The following OSMR variants were observed in gnomAD, a reference collection of about 807,000 sequenced individuals.
OSMR encodes the protein oncostatin M receptor.
Under a neutral mutation model 99.9 loss-of-function variants are expected in OSMR, and 81 were observed. That is an observed-to-expected ratio of 0.81 (90% CI 0.68 to 0.97). The LOEUF is 0.97. Among genes scored for constraint, OSMR ranks in the 50% least tolerant of loss-of-function variants. The pLI, the probability that OSMR is intolerant of heterozygous loss-of-function variation, is 0.00. For synonymous variants in OSMR, 406 were observed against 410.4 expected, an observed-to-expected ratio of 0.99 and a Z score of 0.13; for missense variants, 1,099 against 1,153.4, an observed-to-expected ratio of 0.95 and a Z score of 0.68.
intron 1 of OSMR, among the ~76,000 whole-genome samples, chr5:38,855,635 C>T (rs867212563): frequency 6.6e-5 from 10 of 152,238 alleles, no homozygotes; most frequent in Non-Finnish European, 1.0e-4. Context: ...ACTGCTTCCA[C>T]GGCTGTCACC....
intron 1 of OSMR, chr5:38,940,936 C>T (rs2112764802): frequency 4.3e-6 from 1 of 232,438 alleles, no homozygotes; most frequent in South Asian, 1.8e-4. Context: ...ATGTTATACA[C>T]AAATGAATTA....
In OSMR at chr5:38,933,760, C is replaced by G. The variant is rs548372381; in HGVS notation, c.*316C>G. On this transcript the variant is annotated 3_prime_UTR_variant, in exon 18 of 18. Coordinates refer to ENST00000274276, the MANE Select transcript of OSMR (RefSeq NM_003999.3). The stretch of plus-strand genomic sequence containing the variant: ...GCATTAACCACTCTACAGACTCCCA[C>G]TCAGTACTGTACAGGGTGGCTGTGG... 143 of 394,336 alleles carry G rather than the reference C, an allele frequency of 3.6e-4. 4 individuals carry two copies. The South Asian group carries it at 3.7e-3, about 10-fold the overall frequency. The allele number at this position is 394,336 out of a possible 1,614,324, so 24.4% of individuals were successfully genotyped here. A position where few individuals can be genotyped will look rare whatever the true frequency, so the allele number is the denominator to read the frequency against.
intron 1 of OSMR, among the ~76,000 whole-genome samples, chr5:38,863,074 G>C (rs1420651360): frequency 6.6e-6 from 1 of 151,716 alleles, no homozygotes; most frequent in African/African-American, 2.4e-5. Flanking sequence ...TGAGGCAGGA[G>C]AATCAGGCAG....
At chr5:38,882,637 C>T (rs1055466482) in intron 4 of OSMR, among the ~76,000 whole-genome samples, 2 of 148,878 alleles carry the variant, frequency 1.3e-5, no homozygotes, top group African/African-American at 5.0e-5. Flanking sequence ...CGAATCTAGA[C>T]GGCGGGGTGG....
At chr5:38,911,537 G>A (rs1196567010) in intron 9 of OSMR, among the ~76,000 whole-genome samples, 1 of 152,060 alleles carries the variant, frequency 6.6e-6, no homozygotes, top group African/African-American at 2.4e-5. Context: ...AACTGAGTTG[G>A]GGGACTCCTC....
chr5:38,849,063 C>G (rs1319531132), intron 1 of OSMR, among the ~76,000 whole-genome samples: 2 of 152,156 alleles, frequency 1.3e-5, no homozygotes. Flanking sequence ...CAGGCGTGAG[C>G]CACTGCGCCC....
At chr5:38,862,057 C>T (rs1368492508) in intron 1 of OSMR, among the ~76,000 whole-genome samples, 2 of 109,768 alleles carry the variant, frequency 1.8e-5, no homozygotes, top group South Asian at 3.5e-4. Context: ...CGGGCAGAGG[C>T]GCCCCTCACC....
chr5:38,930,920 TTGTGTGTGTGTGTGTGTGTGTGTGTGTG>T (rs55964556), intron 15 of OSMR, among the ~76,000 whole-genome samples: 1 of 141,890 alleles, frequency 7.0e-6, no homozygotes, highest in Non-Finnish European at 1.5e-5. Flanking sequence ...CAGAAGCATT[TTGTGTGTGTGTGTGTGTGTGTGTGTGTG>T]TGTGTGTGTG....
At chr5:38,942,416 A>G (rs766283555) in intron 1 of OSMR, 1 of 1,238,084 alleles carries the variant, frequency 8.1e-7, no homozygotes. Flanking sequence ...TACTTTTATA[A>G]AAACAGATGA....
intron 11 of OSMR, chr5:38,919,354 A>T (rs899841286): frequency 7.3e-7 from 1 of 1,366,466 alleles, no homozygotes; most frequent in African/African-American, 1.4e-5. Context: ...ACCCTAACAA[A>T]CAGTCACCAC....
intron 9 of OSMR, among the ~76,000 whole-genome samples, chr5:38,911,956 A>C (rs914609927): frequency 1.3e-5 from 2 of 152,208 alleles, no homozygotes; most frequent in Admixed American, 1.3e-4. Context: ...AGCCAACATC[A>C]TACTAAATGG....
chr5:38,918,784 T>C, intron 10 of OSMR, 56 bp from the exon 11 acceptor site: 1 of 1,599,742 alleles, frequency 6.3e-7, no homozygotes, highest in Admixed American at 1.7e-5. Context: ...AAAGGAGTTG[T>C]ACAAATTCCT....
chr5:38,884,247 G>T, intron 5 of OSMR, 136 bp downstream of exon 5: 1 of 797,142 alleles, frequency 1.3e-6, no homozygotes, highest in South Asian at 1.4e-5. Context: ...TCTAGGAGAG[G>T]CTCTGAAGTC....
At chr5:38,859,889 T>G (rs1741141098) in intron 1 of OSMR, among the ~76,000 whole-genome samples, 1 of 152,180 alleles carries the variant, frequency 6.6e-6, no homozygotes, top group African/African-American at 2.4e-5. Flanking sequence ...CAGTTTGTTC[T>G]TAGTGTATAG....
Position 38,857,666 on chromosome 5 carries a change from T to C in OSMR, c.-14+11279T>C, listed in dbSNP as rs576568818. On this transcript the variant is annotated intron_variant, in intron 1 of 17. Transcript: ENST00000274276. Reference sequence around the variant, plus strand: ...TAAAACTCTCTCTTCTAGCTATCTTTTTATTTTTATTTTTTTCTTGAGATG... The same window carrying C: ...TAAAACTCTCTCTTCTAGCTATCTTCTTATTTTTATTTTTTTCTTGAGATG... Among the ~76,000 whole-genome samples the C allele has an allele frequency of 8.6e-5, 13 of 151,958 alleles. No homozygotes were observed. In the South Asian group the frequency reaches 2.7e-3, roughly 32 times the overall value.
At chr5:38,857,304 C>T (rs1014052506) in intron 1 of OSMR, among the ~76,000 whole-genome samples, 3 of 152,120 alleles carry the variant, frequency 2.0e-5, no homozygotes, top group African/African-American at 7.2e-5. Flanking sequence ...CCTTGCATTC[C>T]TCAAATGATA....
rs1053316466 is a variant in OSMR, at chr5:38,941,636, T to C, written c.75-2565T>C. On this transcript the variant is annotated intron_variant and NMD_transcript_variant, in intron 1 of 2. Coordinates refer to the OSMR transcript ENST00000508882. The stretch of plus-strand genomic sequence containing the variant: ...GGTTCATATATCCTGTAATAACACA[T>C]TGCAACAAAATGAAGAGTTGGAAAA... The C allele has an allele frequency of 3.9e-5, 9 of 232,292 alleles. No individual in the cohort carries two copies. Among genetic ancestry groups the C allele is most frequent in the Middle Eastern group, 2.6e-3 (2 of 776 alleles). 14.4% of individuals were successfully genotyped at this position (232,292 alleles called of 1,614,324 possible). A position where few individuals can be genotyped will look rare whatever the true frequency, so the allele number is the denominator to read the frequency against.
chr5:38,861,900 G>T (rs573866234), intron 1 of OSMR, among the ~76,000 whole-genome samples: 1 of 135,558 alleles, frequency 7.4e-6, no homozygotes. Context: ...CCTCCCGGAC[G>T]GGGCGGCTGG....
intron 9 of OSMR, among the ~76,000 whole-genome samples, chr5:38,906,978 A>G (rs1404655865): frequency 3.9e-5 from 6 of 152,224 alleles, no homozygotes; most frequent in Non-Finnish European, 8.8e-5. Context: ...CACACTTAGC[A>G]GCCAAAATTT....
Sources: allele counts gnomAD v4.1 joint callset (sites outside exome capture counted in the v4.1 genomes callset), GRCh38; gene constraint gnomAD v4.1.1; transcripts MANE v1.5; gene names NCBI Gene and HGNC (gene_info 2026-07-23, HGNC 2026-07-21).